ELN: variants seen among roughly 807,000 people sequenced by gnomAD.
ELN encodes tropoelastin.
A neutral mutation model predicts 105.8 loss-of-function variants in ELN; 65 were observed. That is an observed-to-expected ratio of 0.61 (90% CI 0.50 to 0.75). ELN has a LOEUF of 0.75. Among genes scored for constraint, ELN ranks in the 30% least tolerant of loss-of-function variants. The pLI is 0.00. For synonymous variants in ELN, 368 were observed against 389.2 expected (o/e 0.95, Z 0.64); for missense variants, 882 against 969.4 (o/e 0.91, Z 1.20).
chr7:74,065,362 G>A (rs1473119990), intron 29 of ELN, among the ~76,000 whole-genome samples: 1 of 151,564 alleles, frequency 6.6e-6, no homozygotes, highest in African/African-American at 2.4e-5. Context: ...CACCTGTAAT[G>A]TCAGCACTTT....
intron 1 of ELN, among the ~76,000 whole-genome samples, chr7:74,034,620 G>C (rs1019509034): frequency 6.6e-6 from 1 of 152,114 alleles, no homozygotes; most frequent in African/African-American, 2.4e-5. Context: ...CAGGAGAATC[G>C]CTTGAACCTA....
intron 26 of ELN, among the ~76,000 whole-genome samples, 161 bp downstream of exon 26, chr7:74,061,300 T>G (rs1448157986): frequency 6.6e-6 from 1 of 152,166 alleles, no homozygotes; most frequent in Non-Finnish European, 1.5e-5. Context: ...GCAGATCACC[T>G]GAGGTCAGGA....
chr7:74,057,749 G>A (rs559835089), intron 22 of ELN, 53 bp downstream of exon 22: 2 of 1,599,196 alleles, frequency 1.3e-6, no homozygotes, highest in East Asian at 4.5e-5. Flanking sequence ...TTTCTCCTGT[G>A]CCCTGCTCTG....
intron 10 of ELN, 137 bp from the exon 11 acceptor site, chr7:74,046,051 C>T: frequency 1.6e-6 from 2 of 1,242,054 alleles, no homozygotes; most frequent in Non-Finnish European, 2.3e-6. Context: ...AAAGAAACCC[C>T]AGAGTTCATG....
chr7:74,042,531 G>A, intron 5 of ELN, 83 bp from the exon 6 acceptor site: 1 of 1,256,788 alleles, frequency 8.0e-7, no homozygotes, highest in Non-Finnish European at 1.1e-6. Context: ...CTTCCTGAGT[G>A]GGGCACAGCC....
rs1385395123 is a variant in ELN at position 74,063,791 on chromosome 7, CT to C, written c.1993+97del. 5.8e-6 allele frequency: 9 copies of C among 1,543,576 alleles called. No individual in the cohort carries two copies. The highest frequency in any genetic ancestry group is 4.1e-5 in the African/African-American group (3 of 73,518). ...GAGACAGAGACTTTCGTTCCCACCC[CT>C]GGCACGTCTTTGCTCAAGATGTCCT... On this transcript the variant is annotated intron_variant, in intron 29 of 32. Coordinates refer to ENST00000252034, the MANE Select transcript of ELN (RefSeq NM_000501.4). The surrounding 1 kb of genome is among the most constrained non-coding windows in gnomAD (Gnocchi z 4.1).
At chr7:74,067,933 C>CAAAAAAAAAAAA (rs782107951) in intron 32 of ELN, among the ~76,000 whole-genome samples, 1 of 19,888 alleles carries the variant, frequency 5.0e-5, no homozygotes, top group African/African-American at 1.3e-4. Flanking sequence ...GATTGCGTCT[C>CAAAAAAAAAAAA]AAAAAAAAAA....
intron 21 of ELN, chr7:74,057,330 C>T: frequency 4.9e-6 from 7 of 1,418,616 alleles, no homozygotes; most frequent in Non-Finnish European, 6.4e-6. Flanking sequence ...CCTTGCTCCC[C>T]CAAAAAGTGA....
rs572204129 is a variant in ELN at position 74,054,834 on chromosome 7, C to T, written c.1150+65C>T. ...GCCTTTACTTGCCAGAACTAAAGGA[C>T]CCTCCTCTACTTGCCCAGAGAAGGG... On this transcript the variant is annotated intron_variant, in intron 19 of 32. Coordinates refer to ENST00000252034, the MANE Select transcript of ELN (RefSeq NM_000501.4). 15 of 1,578,010 alleles carry T rather than the reference C, an allele frequency of 9.5e-6. No individual in the cohort carries two copies. In the South Asian group the frequency reaches 1.6e-4, roughly 16 times the overall value.
intron 14 of ELN, 55 bp from the exon 15 acceptor site, chr7:74,048,448 C>T: frequency 6.2e-7 from 1 of 1,613,156 alleles, no homozygotes; most frequent in Non-Finnish European, 8.5e-7. Flanking sequence ...CAAGTGGGCT[C>T]TGGAGATACA....
At chr7:74,049,364 A>C (rs1793359226) in intron 15 of ELN, among the ~76,000 whole-genome samples, 1 of 147,202 alleles carries the variant, frequency 6.8e-6, no homozygotes, top group Admixed American at 6.7e-5. Flanking sequence ...CCATCCATCC[A>C]CGCATCCATC....
At chr7:74,060,980 CAGGGCTTTG>C in intron 25 of ELN, 112 bp from the exon 26 acceptor site, 2 of 1,208,308 alleles carry the variant, frequency 1.7e-6, no homozygotes, top group Non-Finnish European at 2.5e-6. Flanking sequence ...TGTACAGCTT[CAGGGCTTTG>C]AGGAAGCAAT....
At chr7:74,052,912 G>GAAGGA in intron 17 of ELN, 1 of 558,430 alleles carries the variant, frequency 1.8e-6, no homozygotes. Context: ...AAAGAGAAAG[G>GAAGGA]AAGGAAAGAA....
intron 1 of ELN, among the ~76,000 whole-genome samples, chr7:74,031,660 T>C (rs777511869): frequency 2.6e-5 from 4 of 152,100 alleles, no homozygotes; most frequent in Non-Finnish European, 5.9e-5. Flanking sequence ...CTCATGCCTG[T>C]AATCCTAGCA....
intron 15 of ELN, 135 bp from the exon 16 acceptor site, chr7:74,051,615 G>C (rs1794052647): frequency 1.1e-6 from 1 of 899,150 alleles, no homozygotes; most frequent in Non-Finnish European, 1.7e-6. Flanking sequence ...TCCCCAGACA[G>C]GCCCATCTGG....
intron 17 of ELN, chr7:74,052,267 G>T: frequency 3.9e-6 from 2 of 508,804 alleles, no homozygotes. Flanking sequence ...TCAACTAAAT[G>T]GGTGCCCAGT....
intron 22 of ELN, chr7:74,059,456 T>C: frequency 3.8e-6 from 1 of 261,932 alleles, no homozygotes; most frequent in South Asian, 4.8e-5. Flanking sequence ...CCAAGTCGGG[T>C]GGATCACCCA....
intron 4 of ELN, among the ~76,000 whole-genome samples, chr7:74,039,412 AC>A (rs1167585149): frequency 1.2e-4 from 19 of 152,094 alleles, no homozygotes; most frequent in African/African-American, 4.1e-4. Flanking sequence ...CCCCCATGGC[AC>A]CCCCAGGGAG....
At chr7:74,049,285 T>C (rs1164879222) in intron 15 of ELN, among the ~76,000 whole-genome samples, 1 of 150,746 alleles carries the variant, frequency 6.6e-6, no homozygotes, top group Non-Finnish European at 1.5e-5. Flanking sequence ...CACCCATTCA[T>C]CCATCCATCA....
Sources: gnomAD v4.1 joint callset for allele counts (sites outside exome capture counted in the v4.1 genomes callset) on GRCh38, gnomAD v4.1.1 for gene constraint, Gnocchi (gnomAD v3.1) non-coding constraint, MANE v1.5 for transcripts, NCBI Gene and HGNC (gene_info 2026-07-23, HGNC 2026-07-21) for gene names.